Variants in FGL1 observed in about 807,000 individuals in gnomAD.
The protein encoded by FGL1 is fibrinogen-like protein 1.
FGL1 carries 59 observed loss-of-function variants against 43.7 expected under a neutral mutation model. That is an observed-to-expected ratio of 1.35 (90% confidence interval 1.10 to 1.68). The LOEUF (loss-of-function observed/expected upper bound fraction) is 1.68. Among genes scored for constraint, FGL1 ranks in the 40% most tolerant of loss-of-function variants. The probability of loss-of-function intolerance (pLI) is 0.00; values close to 1 mark genes in which losing one functional copy is unlikely to be tolerated. For missense variants in FGL1, 596 were observed against 373.0 expected (o/e 1.60, Z -4.92); for synonymous variants, 192 against 126.5 (o/e 1.52, Z -3.48).
At chr8:17,879,218 C>T (rs1305254957) in intron 3 of FGL1, among the ~76,000 whole-genome samples, 1 of 151,806 alleles carries the variant, frequency 6.6e-6, no homozygotes, top group Non-Finnish European at 1.5e-5. Context: ...TTTTCTGAAG[C>T]ATCTCTATAT....
intron 5 of FGL1, among the ~76,000 whole-genome samples, chr8:17,871,964 T>C (rs961691187): frequency 6.6e-6 from 1 of 152,168 alleles, no homozygotes; most frequent in African/African-American, 2.4e-5. Flanking sequence ...TGCTCTGGGG[T>C]TTTCATAGTT....
At chr8:17,871,498 A>AC (rs386412202) in intron 5 of FGL1, among the ~76,000 whole-genome samples, 26 of 151,160 alleles carry the variant, frequency 1.7e-4, no homozygotes, top group African/African-American at 5.1e-4. Context: ...TCTCAAAAAA[A>AC]AAAACAAAAA....
rs752671574 is a variant in FGL1 at position 17,874,479 on chromosome 8, A to T, written c.287T>A (p.Phe96Tyr). 4 of 1,613,910 alleles carry T rather than the reference A, an allele frequency of 2.5e-6. No individual in the cohort carries two copies. The highest frequency in any genetic ancestry group is 3.4e-6 in the Non-Finnish European group (4 of 1,179,976). Residue 96 changes from phenylalanine to tyrosine, a missense_variant, in exon 4 of 8, where the codon TTT becomes TAT. Transcript: ENST00000427924. Reference protein sequence around the residue: ...IFNDGYKLSGFYKIKPLQSPA... With the variant: ...IFNDGYKLSGYYKIKPLQSPA... The stretch of plus-strand genomic sequence containing the variant: ...GCTCTGGAGAGGTTTGATTTTGTAA[A>T]ATCCACTGAGCTTATACCCATCATT...
At chr8:17,866,907 C>A (rs1412600740) in intron 7 of FGL1, among the ~76,000 whole-genome samples, 2 of 152,108 alleles carry the variant, frequency 1.3e-5, no homozygotes, top group African/African-American at 2.4e-5. Context: ...GGAGTAGGAA[C>A]AGGTGAAGAA....
At chr8:17,890,434 C>G (rs1276976619) in intron 1 of FGL1, among the ~76,000 whole-genome samples, 1 of 152,102 alleles carries the variant, frequency 6.6e-6, no homozygotes, top group Non-Finnish European at 1.5e-5. Context: ...TTTTGGAAAA[C>G]CCTGAAATAC....
At chr8:17,885,758 A>G (rs1232237595) in intron 1 of FGL1, 187 bp from the exon 2 acceptor site, 2 of 536,142 alleles carry the variant, frequency 3.7e-6, no homozygotes, top group Admixed American at 6.6e-5. Context: ...AGTGTTAACT[A>G]GAATTGAATC....
intron 5 of FGL1, 44 bp from the exon 6 acceptor site, chr8:17,869,048 A>G (rs1204574022): frequency 6.4e-6 from 8 of 1,251,332 alleles, no homozygotes; most frequent in Non-Finnish European, 9.2e-6. Flanking sequence ...AATGTGTGAC[A>G]TGACACGGAC....
At chr8:17,882,372 C>T (rs183417506) in intron 2 of FGL1, 193 bp from the exon 3 acceptor site, 275 of 489,386 alleles carry the variant, frequency 5.6e-4, no homozygotes, top group Non-Finnish European at 1.6e-4. Context: ...ATGGCTTATG[C>T]GAAAACTCCT....
At chr8:17,884,683 C>A (rs2053602196) in intron 2 of FGL1, among the ~76,000 whole-genome samples, 1 of 152,126 alleles carries the variant, frequency 6.6e-6, no homozygotes, top group African/African-American at 2.4e-5. Flanking sequence ...TATTGTTAAA[C>A]ATAGTGCACT....
At chr8:17,867,121 A>G (rs993679228) in intron 7 of FGL1, among the ~76,000 whole-genome samples, 1 of 152,238 alleles carries the variant, frequency 6.6e-6, no homozygotes, top group Non-Finnish European at 1.5e-5. Context: ...TTACAACAGC[A>G]GTAGTACTCC....
intron 7 of FGL1, among the ~76,000 whole-genome samples, chr8:17,865,361 T>C (rs1220866523): frequency 6.6e-6 from 1 of 152,182 alleles, no homozygotes; most frequent in Non-Finnish European, 1.5e-5. Context: ...CTTTCCTGGA[T>C]AATTTGCACT....
chr8:17,890,930 C>T (rs371138873), intron 1 of FGL1, among the ~76,000 whole-genome samples: 83 of 152,158 alleles, frequency 5.5e-4, no homozygotes, highest in Middle Eastern at 3.4e-3. Context: ...TGTGGGATTA[C>T]GAGAACTACA....
chr8:17,884,569 T>C (rs1423210180), intron 2 of FGL1, among the ~76,000 whole-genome samples: 2 of 152,160 alleles, frequency 1.3e-5, no homozygotes, highest in East Asian at 1.9e-4. Flanking sequence ...GAGATAGTTA[T>C]TTGCTTAGCA....
chr8:17,879,597 T>C (rs556196561), intron 3 of FGL1, among the ~76,000 whole-genome samples: 6 of 152,254 alleles, frequency 3.9e-5, no homozygotes, highest in Non-Finnish European at 7.4e-5. Flanking sequence ...CTCTTTCTCC[T>C]GTTCCCACCA....
chr8:17,869,055 G>A (rs370228078), intron 5 of FGL1, 51 bp from the exon 6 acceptor site: 396 of 1,070,788 alleles, frequency 3.7e-4, no homozygotes, highest in Non-Finnish European at 4.4e-4. Context: ...GACATGACAC[G>A]GACTACTGCG....
chr8:17,879,047 C>T (rs1402870531), intron 3 of FGL1, among the ~76,000 whole-genome samples: 1 of 93,420 alleles, frequency 1.1e-5, no homozygotes, highest in East Asian at 2.8e-4. Flanking sequence ...ATTTTATTTC[C>T]CCTTTTTCTT....
At chr8:17,885,444 T>C (rs2073563) in intron 2 of FGL1, 48 bp downstream of exon 2, 2 of 1,461,412 alleles carry the variant, frequency 1.4e-6, no homozygotes, top group South Asian at 2.4e-5. Flanking sequence ...AAAATTCAGA[T>C]AAAAGCAGGC....
chr8:17,872,596 C>A (rs1020747806), intron 5 of FGL1, among the ~76,000 whole-genome samples: 1 of 152,114 alleles, frequency 6.6e-6, no homozygotes, highest in Admixed American at 6.6e-5. Context: ...AGCCACCATG[C>A]CCAGCTGTTT....
chr8:17,877,749 A>G (rs1410930300), intron 3 of FGL1, among the ~76,000 whole-genome samples: 1 of 152,172 alleles, frequency 6.6e-6, no homozygotes, highest in East Asian at 1.9e-4. Flanking sequence ...CCCTTCAAGC[A>G]TTTATCCTTT....
Sources: gnomAD v4.1 joint callset for allele counts (sites outside exome capture counted in the v4.1 genomes callset) on GRCh38, gnomAD v4.1.1 for gene constraint, MANE v1.5 for transcripts, NCBI Gene and HGNC (gene_info 2026-07-23, HGNC 2026-07-21) for gene names.